The following C12orf60 variants were observed in gnomAD, a reference collection of about 807,000 sequenced individuals.
C12orf60 encodes chromosome 12 open reading frame 60.
For missense variants in C12orf60, 284 were observed against 283.2 expected (o/e 1.00, Z -0.02); for synonymous variants, 102 against 94.6 (o/e 1.08, Z -0.45).
chr12:14,817,879 G>C (rs997232449), intron 1 of C12orf60, among the ~76,000 whole-genome samples: 2 of 152,006 alleles, frequency 1.3e-5, no homozygotes, highest in African/African-American at 4.8e-5. Flanking sequence ...TAGTATTTCT[G>C]GTTCTATATC....
chr12:14,806,439 T>A (rs747208866), intron 1 of C12orf60: 2 of 1,614,248 alleles, frequency 1.2e-6, no homozygotes, highest in Non-Finnish European at 8.5e-7. Flanking sequence ...ATCAACCTTC[T>A]GCAATTCCTT....
At chr12:14,818,920 TGA>T (rs1251487929) in intron 1 of C12orf60, among the ~76,000 whole-genome samples, 1 of 152,254 alleles carries the variant, frequency 6.6e-6, no homozygotes, top group Non-Finnish European at 1.5e-5. Flanking sequence ...TTAGATTGTG[TGA>T]GTCCTCTAAC....
intron 1 of C12orf60, chr12:14,806,636 C>T (rs751342043): frequency 1.2e-6 from 2 of 1,611,214 alleles, no homozygotes; most frequent in South Asian, 2.2e-5. Context: ...TTACTTCTTC[C>T]CGCCTTTTTG....
In C12orf60 at chr12:14,823,496, C is replaced by T. The variant is rs1238032267; in HGVS notation, c.561C>T (p.Thr187=). ...PGSSKTTMID[T]LKKLQDVLKT... is the part of the protein sequence containing the mutation. ...CTTCCAAAACCACTATGATAGACAC[C>T]TTGAAAAAACTGCAGGATGTACTAA... Residue 187 remains threonine, a synonymous_variant, in exon 2 of 2, where the codon ACC becomes ACT. Transcript: ENST00000330828. The T allele has an allele frequency of 1.9e-6, 3 of 1,612,440 alleles. No homozygotes were observed. Among genetic ancestry groups the T allele is most frequent in the African/African-American group, 1.3e-5 (1 of 74,748 alleles).
intron 1 of C12orf60, among the ~76,000 whole-genome samples, chr12:14,817,213 G>A (rs966672513): frequency 9.2e-5 from 14 of 151,982 alleles, no homozygotes; most frequent in Non-Finnish European, 1.6e-4. Context: ...GTCCCATTTT[G>A]AGTTAATTTA....
chr12:14,815,934 C>A (rs1444210956), intron 1 of C12orf60, among the ~76,000 whole-genome samples: 1 of 152,190 alleles, frequency 6.6e-6, no homozygotes, highest in East Asian at 1.9e-4. Context: ...TAAGGATAAA[C>A]AGTAACAATG....
At chr12:14,806,857 AG>A (rs1950060372) in intron 1 of C12orf60, among the ~76,000 whole-genome samples, 2 of 152,182 alleles carry the variant, frequency 1.3e-5, no homozygotes, top group Non-Finnish European at 2.9e-5. Context: ...TAAAAGAGGG[AG>A]TATCGCTGTG....
At chr12:14,813,309 A>G (rs1950168997) in intron 1 of C12orf60, among the ~76,000 whole-genome samples, 1 of 152,226 alleles carries the variant, frequency 6.6e-6, no homozygotes, top group Non-Finnish European at 1.5e-5. Flanking sequence ...GCCATCATGC[A>G]CAGTTTCCTT....
At chr12:14,818,411 G>A (rs542531348) in intron 1 of C12orf60, among the ~76,000 whole-genome samples, 1 of 152,304 alleles carries the variant, frequency 6.6e-6, no homozygotes, top group South Asian at 2.1e-4. Context: ...TGTCCTGAAT[G>A]GTATTGCCTA....
intron 1 of C12orf60, among the ~76,000 whole-genome samples, chr12:14,804,405 A>T (rs763801573): frequency 3.3e-5 from 5 of 152,222 alleles, no homozygotes; most frequent in Non-Finnish European, 5.9e-5. Context: ...CCATGTAGGA[A>T]GGCTATTCTT....
chr12:14,809,104 AGAG>A, intron 1 of C12orf60, among the ~76,000 whole-genome samples: 1 of 152,322 alleles, frequency 6.6e-6, no homozygotes, highest in East Asian at 1.9e-4. Context: ...CAGTTAGGTG[AGAG>A]GAGTTTTCTT....
Position 14,823,572 on chromosome 12 carries a change from C to T in C12orf60, c.637C>T (p.Gln213Ter). The change falls in exon 2 of 2, where the codon CAA becomes TAA. Residue 213 changes from glutamine to a stop codon, truncating the protein, a stop_gained. Coordinates refer to ENST00000330828, the MANE Select transcript of C12orf60 (RefSeq NM_175874.4). LOFTEE classifies it low-confidence loss of function (END_TRUNC). ...AAAGTCAGCAGCAGATTTGTTGGAA[C>T]AAATTGTCAAGGCTATGGGACCAAT... is the stretch of plus-strand genomic sequence containing the variant. ...PTKSAADLLE[Q>*]IVKAMGPILE... is the part of the protein sequence containing the mutation. 1 of 1,613,706 alleles carries T rather than the reference C, an allele frequency of 6.2e-7. No individual in the cohort carries two copies. The highest frequency in any genetic ancestry group is 8.5e-7 in the Non-Finnish European group (1 of 1,179,892).
At chr12:14,821,233 T>G (rs1950300166) in intron 1 of C12orf60, among the ~76,000 whole-genome samples, 1 of 152,244 alleles carries the variant, frequency 6.6e-6, no homozygotes, top group Non-Finnish European at 1.5e-5. Flanking sequence ...TTAATTTGCC[T>G]ATTGACGAAA....
chr12:14,806,292 G>T, intron 1 of C12orf60: 2 of 1,614,218 alleles, frequency 1.2e-6, no homozygotes, highest in Non-Finnish European at 1.7e-6. Flanking sequence ...AACAGCGACT[G>T]CACTGGCTGC....
intron 1 of C12orf60, among the ~76,000 whole-genome samples, chr12:14,819,384 T>C (rs1274505839): frequency 6.6e-6 from 1 of 152,182 alleles, no homozygotes; most frequent in Non-Finnish European, 1.5e-5. Context: ...ATGCTGACCT[T>C]GCATCTGCTA....
intron 1 of C12orf60, among the ~76,000 whole-genome samples, chr12:14,808,454 CT>C (rs1452690407): frequency 6.6e-6 from 1 of 152,074 alleles, no homozygotes; most frequent in African/African-American, 2.4e-5. Flanking sequence ...CTGGCACAGC[CT>C]CTTTTTGAGT....
intron 1 of C12orf60, among the ~76,000 whole-genome samples, chr12:14,821,647 A>G (rs1040925930): frequency 5.9e-5 from 9 of 152,178 alleles, no homozygotes; most frequent in African/African-American, 1.7e-4. Flanking sequence ...TGTCATATAC[A>G]TTAAGTCTAC....
At position 14,806,341 on chromosome 12, in the gene C12orf60, G is replaced by T. The variant is rs773575920; in HGVS notation, c.-25+2590G>T. 12 of 1,614,084 alleles carry T rather than the reference G, an allele frequency of 7.4e-6. No individual in the cohort carries two copies. The East Asian group carries it at 2.2e-4, about 30-fold the overall frequency. On this transcript the variant is annotated intron_variant, in intron 1 of 1. Coordinates refer to ENST00000330828, the MANE Select transcript of C12orf60 (RefSeq NM_175874.4). ...CCCAGGATGACCGAAATAACCTTTT[G>T]CACTATTGCAATTTTGTCTGTTTCC...
intron 1 of C12orf60, among the ~76,000 whole-genome samples, chr12:14,816,746 CTTT>C (rs11430871): frequency 5.1e-5 from 7 of 138,004 alleles, no homozygotes; most frequent in Admixed American, 1.5e-4. Context: ...TATATTTTCT[CTTT>C]TTTTTTTTTT....
Sources: gnomAD v4.1 joint callset for allele counts (sites outside exome capture counted in the v4.1 genomes callset) on GRCh38, gnomAD v4.1.1 for gene constraint, MANE v1.5 for transcripts, NCBI Gene and HGNC (gene_info 2026-07-23, HGNC 2026-07-21) for gene names.